The following SSPN variants were observed in gnomAD, a reference collection of about 807,000 sequenced individuals.
SSPN encodes the protein K-ras oncogene-associated protein.
Under a neutral mutation model 19.1 loss-of-function variants are expected in SSPN, and 15 were observed. The observed-to-expected ratio is 0.78, with a 90% confidence interval of 0.52 to 1.21. The LOEUF is 1.21. Among genes scored for constraint, SSPN ranks in the 50% most tolerant of loss-of-function variants. The probability of loss-of-function intolerance (pLI) is 0.00; values close to 1 mark genes in which losing one functional copy is unlikely to be tolerated. For synonymous variants in SSPN, 147 were observed against 140.3 expected, an observed-to-expected ratio of 1.05 and a Z score of -0.34; for missense variants, 291 against 314.0, an observed-to-expected ratio of 0.93 and a Z score of 0.55.
intron 1 of SSPN, among the ~76,000 whole-genome samples, chr12:26,220,009 A>T (rs949333528): frequency 6.6e-6 from 1 of 152,128 alleles, no homozygotes; most frequent in African/African-American, 2.4e-5. Context: ...GCCCATTAAC[A>T]TGAGCTCCCC....
Position 26,213,376 on chromosome 12 carries a change from A to G in SSPN, c.280-10917A>G, listed in dbSNP as rs76879567. ...TGGGTCCTTGCTATGAAAGCAAAAT[A>G]TCATCCTAGAGATGATGAAACCGAG... is the stretch of plus-strand genomic sequence containing the variant. On this transcript the variant is annotated intron_variant, in intron 1 of 2. Transcript: ENST00000242729. 5.3e-4 allele frequency among the ~76,000 whole-genome samples: 81 copies of G among 152,306 alleles called. 2 individuals carry two copies. In the East Asian group the frequency reaches 0.015, roughly 29 times the overall value.
intron 1 of SSPN, chr12:26,124,453 G>C (rs1944344374): frequency 3.0e-5 from 46 of 1,527,292 alleles, no homozygotes; most frequent in Non-Finnish European, 4.2e-5. Flanking sequence ...GAGCTTCACT[G>C]TGAAATCAAT....
chr12:26,232,739 G>A lies in SSPN; in HGVS notation c.*1663G>A, dbSNP rs1190540010. On this transcript the variant is annotated 3_prime_UTR_variant, in exon 3 of 3. Coordinates refer to ENST00000242729, the MANE Select transcript of SSPN (RefSeq NM_005086.5). ...TTTATGTCCTCTAGATAAAACACCC[G>A]ATTAACAGATGTTAAACCTTTTAAT... 3.3e-5 allele frequency: 32 copies of A among 983,006 alleles called. No homozygotes were observed. The highest frequency in any genetic ancestry group is 1.1e-4 in the African/African-American group (6 of 57,116). The allele number at this position is 983,006 out of a possible 1,614,324, so 60.9% of individuals were successfully genotyped here. A position where few individuals can be genotyped will look rare whatever the true frequency, so the allele number is the denominator to read the frequency against.
intron 1 of SSPN, among the ~76,000 whole-genome samples, chr12:26,222,055 A>G (rs746007510): frequency 3.2e-4 from 49 of 152,178 alleles, no homozygotes; most frequent in Non-Finnish European, 6.6e-4. Context: ...TAACTTCAGT[A>G]TCTTTACTTT....
At chr12:26,125,118 G>A (rs1334845242) in intron 1 of SSPN, 4 of 432,416 alleles carry the variant, frequency 9.3e-6, no homozygotes, top group South Asian at 2.3e-5. Context: ...AGCCCGGAGG[G>A]GGGCGGGGGA....
intron 1 of SSPN, among the ~76,000 whole-genome samples, chr12:26,166,075 G>C (rs1018704067): frequency 5.9e-5 from 9 of 152,108 alleles, no homozygotes; most frequent in African/African-American, 1.9e-4. Context: ...TGAACAATGA[G>C]AACACATGAA....
At chr12:26,123,222 A>G (rs2137387669) in intron 1 of SSPN, 2 of 1,518,548 alleles carry the variant, frequency 1.3e-6, no homozygotes, top group South Asian at 1.3e-5. Flanking sequence ...GCAAGAAGAA[A>G]CATACCCACG....
Position 26,154,981 on chromosome 12 carries a change from A to G in SSPN, c.-31+32829A>G, listed in dbSNP as rs77237324. On this transcript the variant is annotated intron_variant, in intron 1 of 2. Coordinates refer to the SSPN transcript ENST00000538142. Reference sequence around the variant, plus strand: ...GAGAAAACAATCTGTGGAGCTCAGGATAGATTAATTTTTATAATGGGAAAC... The same window carrying G: ...GAGAAAACAATCTGTGGAGCTCAGGGTAGATTAATTTTTATAATGGGAAAC... Among the ~76,000 whole-genome samples, 469 of 152,300 alleles carry G rather than the reference A, an allele frequency of 3.1e-3. 3 individuals are homozygous for G. Among genetic ancestry groups the G allele is most frequent in the African/African-American group, 0.011 (448 of 41,548 alleles).
chr12:26,203,725 G>A lies in SSPN; in HGVS notation c.279+7774G>A, dbSNP rs531760293. 5.3e-5 allele frequency among the ~76,000 whole-genome samples: 8 copies of A among 152,230 alleles called. No individual in the cohort carries two copies. In the South Asian group the frequency reaches 1.2e-3, roughly 24 times the overall value. On this transcript the variant is annotated intron_variant, in intron 1 of 2. Coordinates refer to ENST00000242729, the MANE Select transcript of SSPN (RefSeq NM_005086.5). ...GCTCAGGCTGCTATAACAAAATACCGTAGACTGGGTGACTTAAACAGCAAA... is the reference window on the plus strand; with the variant it reads ...GCTCAGGCTGCTATAACAAAATACCATAGACTGGGTGACTTAAACAGCAAA...
chr12:26,123,705 A>T, intron 1 of SSPN: 2 of 1,614,078 alleles, frequency 1.2e-6, no homozygotes, highest in Non-Finnish European at 1.7e-6. Flanking sequence ...TTCAAAGTTA[A>T]TTCCAAGACT....
chr12:26,215,469 C>G (rs1043671053), intron 1 of SSPN, among the ~76,000 whole-genome samples: 2 of 152,198 alleles, frequency 1.3e-5, no homozygotes, highest in Non-Finnish European at 2.9e-5. Context: ...CAGAAGCATG[C>G]TGGAGCATTG....
intron 1 of SSPN, among the ~76,000 whole-genome samples, chr12:26,171,482 A>G (rs1459078484): frequency 6.6e-6 from 1 of 152,186 alleles, no homozygotes; most frequent in Non-Finnish European, 1.5e-5. Context: ...GCCCTTTTTA[A>G]TGTGTACAGT....
intron 1 of SSPN, chr12:26,123,279 C>T: frequency 7.4e-7 from 1 of 1,355,446 alleles, no homozygotes; most frequent in Non-Finnish European, 9.8e-7. Context: ...CTAAAGTGAT[C>T]TCGGTTTTTC....
chr12:26,221,264 A>C (rs1945117616), intron 1 of SSPN, among the ~76,000 whole-genome samples: 1 of 152,178 alleles, frequency 6.6e-6, no homozygotes, highest in Admixed American at 6.5e-5. Flanking sequence ...GCATATCCTC[A>C]AAACTCATCT....
chr12:26,146,961 A>G (rs531341288), intron 1 of SSPN, among the ~76,000 whole-genome samples: 6 of 152,362 alleles, frequency 3.9e-5, no homozygotes, highest in African/African-American at 1.2e-4. Context: ...AAATATAAGA[A>G]TAAAGCTTCA....
At position 26,167,088 on chromosome 12, in the gene SSPN, TAAATC is replaced by T. The variant is rs1944625760; in HGVS notation, c.-31+44938_-31+44942del. On this transcript the variant is annotated intron_variant, in intron 1 of 2. Transcript: ENST00000538142. ...AGTTATGTTAATTAAAGTGGAAAAA[TAAATC>T]AGAGCACCAACCTGTGTAACTGTAT... is the stretch of plus-strand genomic sequence containing the variant. 5.3e-5 allele frequency among the ~76,000 whole-genome samples: 8 copies of T among 152,104 alleles called. No homozygotes were observed. In the South Asian group the frequency reaches 1.5e-3, roughly 28 times the overall value.
chr12:26,129,271 C>T (rs1180845864), intron 1 of SSPN, among the ~76,000 whole-genome samples: 1 of 152,284 alleles, frequency 6.6e-6, no homozygotes, highest in Non-Finnish European at 1.5e-5. Context: ...AATCTGCAGA[C>T]GTTTTACATC....
rs1392384919 is a variant in SSPN at position 26,230,971 on chromosome 12, C to G, written c.627C>G (p.Cys209Trp). 1 of 1,614,026 alleles carries G rather than the reference C, an allele frequency of 6.2e-7. No individual in the cohort carries two copies. The highest frequency in any genetic ancestry group is 8.5e-7 in the Non-Finnish European group (1 of 1,180,022). Residue 209 changes from cysteine to tryptophan, a missense_variant, in exon 3 of 3, where the codon TGC becomes TGG. This residue lies in a region of SSPN where 141 missense variants were observed against 166.7 expected (regional missense o/e 0.85). Coordinates refer to ENST00000242729, the MANE Select transcript of SSPN (RefSeq NM_005086.5). ...MILNLVCGLV[C>W]LLACFVMWKH... ...TTAATTTGGTCTGCGGCCTTGTGTG[C>G]TTGTTGGCCTGCTTTGTGATGTGGA...
chr12:26,214,786 A>G (rs575003249), intron 1 of SSPN: 1 of 152,300 alleles, frequency 6.6e-6, no homozygotes, highest in East Asian at 1.9e-4. Flanking sequence ...ACCTAAAAAT[A>G]TAATGAAAAA....
Sources: allele counts gnomAD v4.1 joint callset (sites outside exome capture counted in the v4.1 genomes callset), GRCh38; gene constraint gnomAD v4.1.1; regional missense constraint gnomAD v4.1.1; transcripts MANE v1.5; gene names NCBI Gene and HGNC (gene_info 2026-07-23, HGNC 2026-07-21).